Variants in RBFOX1 observed in about 807,000 individuals in gnomAD.
The protein encoded by RBFOX1 is RNA binding fox-1 homolog 1.
A neutral mutation model predicts 57.7 loss-of-function variants in RBFOX1; 8 were observed. The observed-to-expected ratio is 0.14, with a 90% CI of 0.08 to 0.25. RBFOX1 has a LOEUF of 0.25. Ranked by LOEUF, RBFOX1 falls within the 10% of genes least tolerant of loss-of-function variation. The probability of loss-of-function intolerance (pLI) is 1.00; values close to 1 mark genes in which losing one functional copy is unlikely to be tolerated. For missense variants in RBFOX1, 611 were observed against 548.5 expected, an observed-to-expected ratio of 1.11 and a Z score of -1.14; for synonymous variants, 326 against 222.4, an observed-to-expected ratio of 1.47 and a Z score of -4.15.
In RBFOX1 at chr16:7,197,045, C is replaced by T. The variant is rs1486968013; in HGVS notation, c.27+144947C>T. On this transcript the variant is annotated intron_variant, in intron 4 of 15. Coordinates refer to ENST00000550418, the MANE Select transcript of RBFOX1 (RefSeq NM_018723.4). ...GAAGGTGCACACCATAGCCATCTTT[C>T]AGCCAGTTGCTCCTTGTGTGCTAGA... Among the ~76,000 whole-genome samples the T allele has an allele frequency of 2.0e-5, 3 of 152,182 alleles. No homozygotes were observed. The East Asian group carries it at 5.8e-4, about 29-fold the overall frequency.
chr16:7,031,974 ATT>A (rs1475035868), intron 3 of RBFOX1, among the ~76,000 whole-genome samples: 1 of 152,156 alleles, frequency 6.6e-6, no homozygotes, highest in Non-Finnish European at 1.5e-5. Flanking sequence ...TATTTGAAGC[ATT>A]TGTTACTGAA....
chr16:7,332,672 G>GTC (rs911831440), intron 4 of RBFOX1: 292 of 626,530 alleles, frequency 4.7e-4, no homozygotes, highest in Admixed American at 2.1e-3. Flanking sequence ...CTCTCTCTCT[G>GTC]TCTCTCTCTC....
At chr16:6,861,649 C>T (rs1387318594) in intron 3 of RBFOX1, among the ~76,000 whole-genome samples, 1 of 152,028 alleles carries the variant, frequency 6.6e-6, no homozygotes, top group Non-Finnish European at 1.5e-5. Context: ...ATATTACAGA[C>T]TTGGCATGCA....
chr16:5,472,013 T>A (rs2069153188), intron 2 of RBFOX1, among the ~76,000 whole-genome samples: 1 of 152,114 alleles, frequency 6.6e-6, no homozygotes, highest in African/African-American at 2.4e-5. Flanking sequence ...CAGATTGCGG[T>A]GGATTTATTC....
intron 2 of RBFOX1, among the ~76,000 whole-genome samples, chr16:6,445,301 C>A (rs556356093): frequency 6.6e-6 from 1 of 152,098 alleles, no homozygotes; most frequent in Non-Finnish European, 1.5e-5. Context: ...AGGTTTGTTA[C>A]ATATGTATAC....
chr16:6,367,115 G>A (rs1567132338), intron 2 of RBFOX1, among the ~76,000 whole-genome samples: 1 of 152,192 alleles, frequency 6.6e-6, no homozygotes, highest in Non-Finnish European at 1.5e-5. Context: ...CCACCTCGAT[G>A]CAGGTGATAA....
In RBFOX1 at chr16:7,595,480, C is replaced by T. The variant is rs562884166; in HGVS notation, c.469-69C>T. On this transcript the variant is annotated intron_variant, in intron 7 of 15. Transcript: ENST00000550418. The stretch of plus-strand genomic sequence containing the variant: ...AGAAATAGAAATTAAAGCGAGAGAA[C>T]ATTACCAAGTGGTCGTTGACTGAAA... 1.1e-5 allele frequency: 13 copies of T among 1,228,760 alleles called. No homozygotes were observed. In the East Asian group the frequency reaches 2.1e-4, roughly 20 times the overall value. The allele number at this position is 1,228,760 out of a possible 1,614,324, so 76.1% of individuals were successfully genotyped here.
chr16:5,352,823 G>A (rs1168738724), intron 1 of RBFOX1, among the ~76,000 whole-genome samples: 1 of 152,018 alleles, frequency 6.6e-6, no homozygotes, highest in Non-Finnish European at 1.5e-5. Flanking sequence ...TGCACCTGTA[G>A]TCCCAGCTAG....
At chr16:5,971,038 C>G (rs914606574) in intron 4 of RBFOX1, among the ~76,000 whole-genome samples, 3 of 152,220 alleles carry the variant, frequency 2.0e-5, no homozygotes, top group South Asian at 2.1e-4. Flanking sequence ...AGAGGATGCT[C>G]CCTGTGTGAG....
intron 4 of RBFOX1, among the ~76,000 whole-genome samples, chr16:7,473,505 A>C (rs1308674979): frequency 6.7e-6 from 1 of 148,316 alleles, no homozygotes; most frequent in Non-Finnish European, 1.5e-5. Context: ...ATATATGTAC[A>C]TATGTATTAT....
At chr16:6,759,600 G>A (rs1010570278) in intron 3 of RBFOX1, among the ~76,000 whole-genome samples, 1 of 151,870 alleles carries the variant, frequency 6.6e-6, no homozygotes, top group East Asian at 1.9e-4. Context: ...GTATTTCTGT[G>A]GCAGAGCCTT....
At chr16:5,390,707 A>G (rs923972531) in intron 1 of RBFOX1, among the ~76,000 whole-genome samples, 4 of 152,160 alleles carry the variant, frequency 2.6e-5, no homozygotes, top group African/African-American at 4.8e-5. Context: ...CCCCATCTCC[A>G]GGATGACCCA....
intron 4 of RBFOX1, among the ~76,000 whole-genome samples, chr16:7,250,856 G>A (rs902201534): frequency 1.3e-5 from 2 of 152,086 alleles, no homozygotes; most frequent in African/African-American, 4.8e-5. Flanking sequence ...GACACTGGGT[G>A]ATTCTTTAAA....
chr16:7,385,271 C>T (rs996813116), intron 4 of RBFOX1, among the ~76,000 whole-genome samples: 5 of 152,132 alleles, frequency 3.3e-5, no homozygotes, highest in African/African-American at 1.2e-4. Context: ...GAGAAGAAGG[C>T]AGGAGAGCAG....
intron 3 of RBFOX1, among the ~76,000 whole-genome samples, chr16:6,723,135 G>A (rs34288660): frequency 6.6e-6 from 1 of 152,128 alleles, no homozygotes; most frequent in African/African-American, 2.4e-5. Flanking sequence ...GGTTGCTGAT[G>A]CTCTGTAAAA....
At chr16:6,859,175 G>GTATATATATATATA (rs1383838091) in intron 3 of RBFOX1, among the ~76,000 whole-genome samples, 1 of 66,550 alleles carries the variant, frequency 1.5e-5, no homozygotes, top group Non-Finnish European at 2.8e-5. Context: ...GTATATATAT[G>GTATATATATATATA]TATATATATG....
intron 10 of RBFOX1, among the ~76,000 whole-genome samples, chr16:7,609,449 T>G (rs1269692832): frequency 2.6e-5 from 4 of 152,188 alleles, no homozygotes; most frequent in African/African-American, 9.7e-5. Context: ...AAGACTGATT[T>G]GTAACTATAA....
chr16:5,340,760 C>G (rs546575485), intron 1 of RBFOX1, among the ~76,000 whole-genome samples: 16 of 152,322 alleles, frequency 1.1e-4, no homozygotes, highest in African/African-American at 3.4e-4. Flanking sequence ...GTCCAAAATG[C>G]TGGAGACACC....
intron 4 of RBFOX1, among the ~76,000 whole-genome samples, chr16:7,099,766 A>G (rs527473377): frequency 6.6e-6 from 1 of 152,310 alleles, no homozygotes; most frequent in African/African-American, 2.4e-5. Context: ...ATTTACACAT[A>G]TTCTGATGGG....
Sources: allele counts gnomAD v4.1 joint callset (sites outside exome capture counted in the v4.1 genomes callset), GRCh38; gene constraint gnomAD v4.1.1; transcripts MANE v1.5; gene names NCBI Gene and HGNC (gene_info 2026-07-23, HGNC 2026-07-21).